CACNA2D1: variants seen among roughly 807,000 people sequenced by gnomAD.
The protein encoded by CACNA2D1 is calcium voltage-gated channel auxiliary subunit alpha2delta 1.
In CACNA2D1, 53 loss-of-function variants were observed where a neutral mutation model predicts 171.5. The ratio of observed to expected loss-of-function variants is 0.31; its 90% confidence interval spans 0.25 to 0.39. The LOEUF is 0.39. Ranked by LOEUF, CACNA2D1 falls within the 10% of genes least tolerant of loss-of-function variation. CACNA2D1 has a pLI of 1.00. For missense variants in CACNA2D1, 903 were observed against 1,299.8 expected (o/e 0.69, Z 4.69); for synonymous variants, 442 against 443.1 (o/e 1.00, Z 0.03).
At chr7:81,981,968 G>A (rs1796482496) in intron 24 of CACNA2D1, among the ~76,000 whole-genome samples, 1 of 151,804 alleles carries the variant, frequency 6.6e-6, no homozygotes, top group Non-Finnish European at 1.5e-5. Flanking sequence ...ATAAATATTG[G>A]TACATATATG....
intron 10 of CACNA2D1, among the ~76,000 whole-genome samples, chr7:82,051,892 A>G (rs922476864): frequency 4.6e-5 from 7 of 152,182 alleles, no homozygotes; most frequent in Non-Finnish European, 1.0e-4. Context: ...TTATGCTTGC[A>G]TTTCAGCTTT....
chr7:81,951,210 T>C (rs758674433), intron 38 of CACNA2D1, among the ~76,000 whole-genome samples: 2 of 152,106 alleles, frequency 1.3e-5, no homozygotes, highest in Non-Finnish European at 2.9e-5. Context: ...CCCCACAGTC[T>C]AGTGGTAGCT....
rs1489210768 is a variant in CACNA2D1 at position 82,005,379 on chromosome 7, A to C, written c.1590+44T>G. 4.4e-6 allele frequency: 5 copies of C among 1,132,700 alleles called. No homozygotes were observed. In the African/African-American group the frequency reaches 6.1e-5, roughly 14 times the overall value. The allele number at this position is 1,132,700 out of a possible 1,614,324, so 70.2% of individuals were successfully genotyped here. On this transcript the variant is annotated intron_variant, in intron 18 of 38. Coordinates refer to ENST00000356860, the MANE Select transcript of CACNA2D1 (RefSeq NM_000722.4). ...AATCCTATTAAGAACATTAATCATT[A>C]ATTCTACAAAACACTAATCACTGTA...
chr7:82,298,695 G>A (rs1307371483), intron 3 of CACNA2D1, among the ~76,000 whole-genome samples: 1 of 151,902 alleles, frequency 6.6e-6, no homozygotes, highest in Non-Finnish European at 1.5e-5. Flanking sequence ...AGTAGCAGGG[G>A]CTATAGGCGC....
At chr7:82,278,782 C>G (rs931715018) in intron 3 of CACNA2D1, among the ~76,000 whole-genome samples, 1 of 151,794 alleles carries the variant, frequency 6.6e-6, no homozygotes, top group African/African-American at 2.4e-5. Context: ...TAGTTTTATT[C>G]GAATAGAGGA....
chr7:82,209,526 G>T (rs1479293741), intron 3 of CACNA2D1, among the ~76,000 whole-genome samples: 1 of 152,062 alleles, frequency 6.6e-6, no homozygotes, highest in Non-Finnish European at 1.5e-5. Context: ...ATATACCAAC[G>T]GTGTCAATCA....
intron 3 of CACNA2D1, among the ~76,000 whole-genome samples, chr7:82,257,757 G>C (rs574260966): frequency 2.5e-4 from 38 of 152,230 alleles, no homozygotes; most frequent in Non-Finnish European, 5.0e-4. Flanking sequence ...AAAAATACTG[G>C]TGTAAGAAAT....
chr7:82,382,012 CAT>C (rs1823766295), intron 1 of CACNA2D1, among the ~76,000 whole-genome samples: 1 of 152,062 alleles, frequency 6.6e-6, no homozygotes. Flanking sequence ...TACCCACTGA[CAT>C]ATGAGACTAT....
chr7:82,087,617 G>A (rs139096078), intron 6 of CACNA2D1, among the ~76,000 whole-genome samples: 1 of 150,286 alleles, frequency 6.7e-6, no homozygotes, highest in Non-Finnish European at 1.5e-5. Context: ...CAACAAGGAA[G>A]AATGAATACT....
At position 82,078,870 on chromosome 7, in the gene CACNA2D1, AGGAGAAAGAGGAAGAAGAAAGAGGGT is replaced by A. The variant is rs370523094; in HGVS notation, c.658+5873_658+5898del. 5.4e-3 allele frequency among the ~76,000 whole-genome samples: 823 copies of A among 152,218 alleles called. 4 individuals carry two copies. Among genetic ancestry groups the A allele is most frequent in the African/African-American group, 0.019 (794 of 41,540 alleles). ...AGTCTACCTGCCTTCCAAGAAGGAG[AGGAGAAAGAGGAAGAAGAAAGAGGGT>A]GGAGAAAGAGGAAAAAAAGAAAAAA... On this transcript the variant is annotated intron_variant, in intron 7 of 38. Transcript: ENST00000356860.
intron 3 of CACNA2D1, among the ~76,000 whole-genome samples, chr7:82,227,115 T>C (rs1264648973): frequency 6.6e-6 from 1 of 152,178 alleles, no homozygotes; most frequent in East Asian, 1.9e-4. Context: ...GCCTAGAATA[T>C]ATAAAGTTGA....
At chr7:82,020,815 A>C (rs1219630264) in intron 12 of CACNA2D1, 2 of 152,170 alleles carry the variant, frequency 1.3e-5, no homozygotes, top group Non-Finnish European at 2.9e-5. Context: ...TACAGATATG[A>C]CCAACATATG....
chr7:82,061,368 C>T (rs1806889258), intron 9 of CACNA2D1, among the ~76,000 whole-genome samples: 1 of 152,242 alleles, frequency 6.6e-6, no homozygotes, highest in Non-Finnish European at 1.5e-5. Context: ...TCCTCTCTGG[C>T]TCAGTCTTCA....
intron 3 of CACNA2D1, among the ~76,000 whole-genome samples, chr7:82,317,920 C>A (rs1815313233): frequency 6.6e-6 from 1 of 151,352 alleles, no homozygotes; most frequent in African/African-American, 2.4e-5. Flanking sequence ...TTTTCCCAAG[C>A]TCTTTGTACT....
At chr7:82,276,029 G>A (rs1274955786) in intron 3 of CACNA2D1, among the ~76,000 whole-genome samples, 1 of 152,132 alleles carries the variant, frequency 6.6e-6, no homozygotes, top group Non-Finnish European at 1.5e-5. Flanking sequence ...AGGCAAACCG[G>A]TAGGCAGGTA....
intron 10 of CACNA2D1, among the ~76,000 whole-genome samples, chr7:82,048,112 C>T (rs536545523): frequency 6.6e-6 from 1 of 151,810 alleles, no homozygotes; most frequent in Admixed American, 6.6e-5. Flanking sequence ...CCAATGAATT[C>T]TTATAAACAT....
At chr7:82,086,428 G>T (rs1584694372) in intron 6 of CACNA2D1, among the ~76,000 whole-genome samples, 1 of 152,068 alleles carries the variant, frequency 6.6e-6, no homozygotes, top group Non-Finnish European at 1.5e-5. Flanking sequence ...GTGTGTGTGT[G>T]AATATTCATG....
intron 4 of CACNA2D1, among the ~76,000 whole-genome samples, chr7:82,147,167 CA>C (rs1056795906): frequency 2.0e-5 from 3 of 151,794 alleles, no homozygotes; most frequent in Non-Finnish European, 4.4e-5. Flanking sequence ...CATAGGAAAT[CA>C]AGGAGAAATT....
intron 1 of CACNA2D1, among the ~76,000 whole-genome samples, chr7:82,427,682 A>T (rs1474412063): frequency 6.6e-6 from 1 of 152,232 alleles, no homozygotes; most frequent in Non-Finnish European, 1.5e-5. Flanking sequence ...AGCTAGTTGT[A>T]GAGCTGAGCT....
Sources: allele counts gnomAD v4.1 joint callset (sites outside exome capture counted in the v4.1 genomes callset), GRCh38; gene constraint gnomAD v4.1.1; transcripts MANE v1.5; gene names NCBI Gene and HGNC (gene_info 2026-07-23, HGNC 2026-07-21).